C17orf67: variants seen among roughly 807,000 people sequenced by gnomAD.
C17orf67 encodes the protein uncharacterized protein C17orf67.
Under a neutral mutation model 11.2 loss-of-function variants are expected in C17orf67, and 12 were observed. That is an observed-to-expected ratio of 1.07 (90% CI 0.68 to 1.73). The LOEUF (loss-of-function observed/expected upper bound fraction) is 1.73, where lower values mean the gene tolerates loss of function less well. Ranked by LOEUF, C17orf67 falls within the 40% of genes most tolerant of loss-of-function variation. The probability of loss-of-function intolerance (pLI) is 0.00; values close to 1 mark genes in which losing one functional copy is unlikely to be tolerated. For synonymous variants in C17orf67, 59 were observed against 46.9 expected, an observed-to-expected ratio of 1.26 and a Z score of -1.05; for missense variants, 115 against 113.5, an observed-to-expected ratio of 1.01 and a Z score of -0.06.
chr17:56,820,333 T>C (rs1482462881), intron 4 of C17orf67, among the ~76,000 whole-genome samples: 3 of 152,212 alleles, frequency 2.0e-5, no homozygotes, highest in Non-Finnish European at 4.4e-5. Context: ...CCACTTATTC[T>C]AGTTCAGGGC....
In C17orf67 at chr17:56,795,116, A is replaced by G. The variant is rs749490227; in HGVS notation, c.221T>C (p.Leu74Pro). The change falls in exon 7 of 8, where the codon CTG (leucine) becomes CCG (proline). Residue 74 changes from leucine to proline, a missense_variant. Coordinates refer to ENST00000397861, the MANE Select transcript of C17orf67 (RefSeq NM_001085430.4). ...RAEEQFLEHW[L>P]NPHCKPHCDR... ...ACAGTGGGGTTTGCAGTGAGGGTTCAGCCAGTGCTCCAGGAACTGCTCCTC... is the reference window on the plus strand; with the variant it reads ...ACAGTGGGGTTTGCAGTGAGGGTTCGGCCAGTGCTCCAGGAACTGCTCCTC... 2.5e-6 allele frequency: 4 copies of G among 1,614,054 alleles called. No individual in the cohort carries two copies. In the African/African-American group the frequency reaches 5.3e-5, roughly 22 times the overall value.
intron 6 of C17orf67, among the ~76,000 whole-genome samples, chr17:56,802,171 G>A (rs1251797007): frequency 6.6e-6 from 1 of 152,110 alleles, no homozygotes; most frequent in African/African-American, 2.4e-5. Context: ...GCCTGGCCGT[G>A]GGACCCAGAT....
intron 6 of C17orf67, among the ~76,000 whole-genome samples, chr17:56,795,806 A>G (rs1235256265): frequency 6.6e-6 from 1 of 152,256 alleles, no homozygotes; most frequent in Non-Finnish European, 1.5e-5. Context: ...TATGCCATGG[A>G]CTATTATACA....
At chr17:56,825,838 A>T (rs1906011267) in intron 2 of C17orf67, among the ~76,000 whole-genome samples, 1 of 152,158 alleles carries the variant, frequency 6.6e-6, no homozygotes, top group Admixed American at 6.5e-5. Flanking sequence ...AATGGAATAG[A>T]CCAAAATGTT....
chr17:56,794,491 T>G (rs1905171264), intron 7 of C17orf67, among the ~76,000 whole-genome samples: 1 of 148,104 alleles, frequency 6.8e-6, no homozygotes, highest in African/African-American at 2.5e-5. Context: ...GCATGCAGGG[T>G]GTGGGGGGAA....
At chr17:56,811,987 G>C (rs1011876611) in intron 6 of C17orf67, among the ~76,000 whole-genome samples, 1 of 152,140 alleles carries the variant, frequency 6.6e-6, no homozygotes, top group Non-Finnish European at 1.5e-5. Flanking sequence ...CCATACCCAG[G>C]TCCCACCCCA....
Position 56,824,853 on chromosome 17 carries a change from T to C in C17orf67, c.-315A>G, listed in dbSNP as rs755023620. The C allele has an allele frequency of 1.3e-5, 2 of 152,168 alleles. No individual in the cohort carries two copies. Among genetic ancestry groups the C allele is most frequent in the Non-Finnish European group, 2.9e-5 (2 of 68,034 alleles). The allele number at this position is 152,168 out of a possible 1,614,324, so 9.4% of individuals were successfully genotyped here. ...TATCATTCAGGGATACCCTTAGGCA[T>C]CTATAAAGAAAAGCAAAGAAATGAA... is the stretch of plus-strand genomic sequence containing the variant. On this transcript the variant is annotated splice_region_variant and 5_prime_UTR_variant, in exon 4 of 8. It removes an upstream start codon present in the reference 5' UTR. Coordinates refer to ENST00000397861, the MANE Select transcript of C17orf67 (RefSeq NM_001085430.4).
At chr17:56,803,656 T>A (rs1457666016) in intron 6 of C17orf67, among the ~76,000 whole-genome samples, 1 of 152,222 alleles carries the variant, frequency 6.6e-6, no homozygotes, top group East Asian at 1.9e-4. Context: ...TCTTGCTAAA[T>A]CCTCCTTGGA....
chr17:56,820,342 G>A (rs1206865032), intron 4 of C17orf67, among the ~76,000 whole-genome samples: 1 of 152,162 alleles, frequency 6.6e-6, no homozygotes, highest in Non-Finnish European at 1.5e-5. Context: ...CTAGTTCAGG[G>A]CCGTGGTGGC....
At chr17:56,812,790 T>C (rs1943143129) in intron 6 of C17orf67, among the ~76,000 whole-genome samples, 1 of 151,258 alleles carries the variant, frequency 6.6e-6, no homozygotes, top group South Asian at 2.1e-4. Flanking sequence ...TTAAGGGAGG[T>C]GATGACCACA....
intron 2 of C17orf67, among the ~76,000 whole-genome samples, chr17:56,827,775 A>C (rs1906078106): frequency 6.6e-6 from 1 of 152,226 alleles, no homozygotes; most frequent in South Asian, 2.1e-4. Context: ...TCCACACCTC[A>C]CGGGCTTAGT....
chr17:56,798,337 C>T (rs1363432903), intron 6 of C17orf67, among the ~76,000 whole-genome samples: 1 of 152,104 alleles, frequency 6.6e-6, no homozygotes, highest in Non-Finnish European at 1.5e-5. Flanking sequence ...TTATTGTTTA[C>T]AGCAGTTTTA....
Position 56,795,173 on chromosome 17 carries a change from A to C in C17orf67, c.164T>G (p.Met55Arg). The C allele has an allele frequency of 6.2e-7, 1 of 1,614,072 alleles. No homozygotes were observed. The highest frequency in any genetic ancestry group is 8.5e-7 in the Non-Finnish European group (1 of 1,179,998). ...GFPDEPMREYMHHLLALEHRA... is the reference protein window; with the variant it reads ...GFPDEPMREYRHHLLALEHRA... ...ATGCTCCAGGGCGAGCAGGTGGTGCATGTATTCCTGTCAAAACAAACCACA... is the reference window on the plus strand; with the variant it reads ...ATGCTCCAGGGCGAGCAGGTGGTGCCTGTATTCCTGTCAAAACAAACCACA... Residue 55 changes from methionine to arginine, a missense_variant, in exon 7 of 8, where the codon ATG (methionine) becomes AGG (arginine). Met to Arg is a moderately conservative substitution (Grantham distance 91, BLOSUM62 -1). Coordinates refer to ENST00000397861, the MANE Select transcript of C17orf67 (RefSeq NM_001085430.4).
chr17:56,828,868 A>AC (rs891910202), intron 2 of C17orf67, among the ~76,000 whole-genome samples: 7 of 152,088 alleles, frequency 4.6e-5, no homozygotes, highest in African/African-American at 1.7e-4. Flanking sequence ...AAAAAAAAAA[A>AC]AACACTGCAG....
intron 4 of C17orf67, among the ~76,000 whole-genome samples, chr17:56,823,034 C>A (rs1905942754): frequency 6.6e-6 from 1 of 152,194 alleles, no homozygotes. Context: ...AGGCTTCTCT[C>A]CAACTTAAAC....
At chr17:56,806,515 C>G (rs1361771364) in intron 6 of C17orf67, among the ~76,000 whole-genome samples, 1 of 152,146 alleles carries the variant, frequency 6.6e-6, no homozygotes, top group Non-Finnish European at 1.5e-5. Flanking sequence ...TATATAAATA[C>G]TGCATATAGT....
rs141292538 is a variant in C17orf67 at position 56,802,813 on chromosome 17, T to C, written c.157-7633A>G. Among the ~76,000 whole-genome samples the C allele has an allele frequency of 1.5e-3, 236 of 152,350 alleles. 1 individual carries two copies. Among genetic ancestry groups the C allele is most frequent in the African/African-American group, 5.4e-3 (225 of 41,582 alleles). ...GCTTGTTGAAGAAAAGACTACAGCA[T>C]CATTCTTCAAAGCGTGAGCTGTGCT... On this transcript the variant is annotated intron_variant, in intron 6 of 7. Coordinates refer to ENST00000397861, the MANE Select transcript of C17orf67 (RefSeq NM_001085430.4).
At chr17:56,811,761 C>T (rs896267735) in intron 6 of C17orf67, among the ~76,000 whole-genome samples, 2 of 152,246 alleles carry the variant, frequency 1.3e-5, no homozygotes, top group African/African-American at 4.8e-5. Flanking sequence ...GATCAGCACG[C>T]ACCACTTGAC....
chr17:56,829,597 C>T (rs578024874), intron 2 of C17orf67, among the ~76,000 whole-genome samples: 1 of 152,316 alleles, frequency 6.6e-6, no homozygotes, highest in East Asian at 1.9e-4. Flanking sequence ...CCCATGTTGA[C>T]TCCATCCGAG....
Sources: gnomAD v4.1 joint callset for allele counts (sites outside exome capture counted in the v4.1 genomes callset) on GRCh38, gnomAD v4.1.1 for gene constraint, MANE v1.5 for transcripts, NCBI Gene and HGNC (gene_info 2026-07-23, HGNC 2026-07-21) for gene names.